REV1: variants seen among roughly 807,000 people sequenced by gnomAD.
REV1 encodes the protein translesion synthesis protein REV1.
In REV1, 42 loss-of-function variants were observed where a neutral mutation model predicts 137.4. That is an observed-to-expected ratio of 0.31 (90% confidence interval 0.24 to 0.40). The LOEUF is 0.40. Among genes scored for constraint, REV1 ranks in the 10% least tolerant of loss-of-function variants. The pLI, the probability that REV1 is intolerant of heterozygous loss-of-function variation, is 1.00. For missense variants in REV1, 1,282 were observed against 1,490.1 expected (o/e 0.86, Z 2.30); for synonymous variants, 524 against 519.2 (o/e 1.01, Z -0.12).
Position 99,402,716 on chromosome 2 carries a change from G to A in REV1, c.3469C>T (p.Pro1157Ser). 6.2e-7 allele frequency: 1 copy of A among 1,613,900 alleles called. No homozygotes were observed. The highest frequency in any genetic ancestry group is 1.1e-5 in the South Asian group (1 of 91,074). ...DPAGCVRPPA[P>S]NLAGAVEFND... The stretch of plus-strand genomic sequence containing the variant: ...AATTCAACAGCTCCAGCTAGATTGG[G>A]TGCTGGAGGTCTCACACAGCCAGCT... The change falls in exon 21 of 23, where the codon CCC (proline) becomes TCC (serine). Residue 1157 changes from proline (P) to serine (S), a missense_variant. Pro to Ser is a moderately conservative substitution (Grantham distance 74). Transcript: ENST00000258428.
intron 1 of REV1, among the ~76,000 whole-genome samples, chr2:99,468,049 G>A (rs186697641): frequency 2.3e-3 from 348 of 152,110 alleles, no homozygotes; most frequent in Non-Finnish European, 3.9e-3. Context: ...GCATGGTGGC[G>A]CATGCCTGTA....
In REV1 at chr2:99,438,620, T is replaced by G. The variant is rs147362508; in HGVS notation, c.1194A>C (p.Ala398=). Residue 398 remains alanine, a synonymous_variant, in exon 6 of 23, where the codon GCA becomes GCC. Transcript: ENST00000258428. ...ATCTACCTGTGTCAGTTACAACAAG[T>G]GCAGACCTGCCTGTTTTCATTTTTT... is the stretch of plus-strand genomic sequence containing the variant. The part of the protein sequence containing the change: ...KLKKMKTGRS[A]LVVTDTGDMS... 1 of 1,613,066 alleles carries G rather than the reference T, an allele frequency of 6.2e-7. No homozygotes were observed. The highest frequency in any genetic ancestry group is 2.2e-5 in the East Asian group (1 of 44,880).
intron 1 of REV1, among the ~76,000 whole-genome samples, chr2:99,469,360 C>G (rs768795656): frequency 2.3e-4 from 35 of 152,222 alleles, no homozygotes; most frequent in Admixed American, 7.2e-4. Flanking sequence ...CCATGTGACT[C>G]TGTAAGACAG....
rs549382215 is a variant in REV1 at position 99,409,313 on chromosome 2, C to CA, written c.2346-1183dup. On this transcript the variant is annotated intron_variant, in intron 14 of 22. Coordinates refer to ENST00000258428, the MANE Select transcript of REV1 (RefSeq NM_016316.4). ...TTTCTCTGTTTAAGAGCAGTCGTCT[C>CA]ACGACTTAGCAATATCATCATATAC... is the stretch of plus-strand genomic sequence containing the variant. 2.8e-3 allele frequency among the ~76,000 whole-genome samples: 428 copies of CA among 152,292 alleles called. 1 individual carries two copies. The highest frequency in any genetic ancestry group is 0.01 in the Middle Eastern group (3 of 294).
intron 4 of REV1, among the ~76,000 whole-genome samples, chr2:99,448,655 CTT>C (rs1454728791): frequency 6.6e-6 from 1 of 152,222 alleles, no homozygotes; most frequent in Non-Finnish European, 1.5e-5. Context: ...ATTACTCATT[CTT>C]TCTCTCCCAA....
At chr2:99,440,347 T>C (rs1173823452) in intron 5 of REV1, among the ~76,000 whole-genome samples, 1 of 152,228 alleles carries the variant, frequency 6.6e-6, no homozygotes, top group African/African-American at 2.4e-5. Context: ...AGGGCTGCCC[T>C]ACAGAGTAGT....
At chr2:99,458,917 G>A (rs1257240640) in intron 3 of REV1, among the ~76,000 whole-genome samples, 1 of 152,134 alleles carries the variant, frequency 6.6e-6, no homozygotes, top group Non-Finnish European at 1.5e-5. Flanking sequence ...AAAGATCTTT[G>A]TAGTGTGGAG....
intron 4 of REV1, among the ~76,000 whole-genome samples, chr2:99,443,695 C>T (rs1681803578): frequency 6.6e-6 from 1 of 152,116 alleles, no homozygotes; most frequent in Admixed American, 6.5e-5. Flanking sequence ...AGACATGTAA[C>T]CAAATGGATT....
intron 3 of REV1, among the ~76,000 whole-genome samples, chr2:99,452,524 C>A (rs1683049218): frequency 6.6e-6 from 1 of 152,066 alleles, no homozygotes; most frequent in African/African-American, 2.4e-5. Flanking sequence ...CCTACAGAAC[C>A]CATCTCTGCA....
At chr2:99,403,870 G>T in intron 18 of REV1, 55 bp from the exon 19 acceptor site, 1 of 1,591,020 alleles carries the variant, frequency 6.3e-7, no homozygotes, top group South Asian at 1.1e-5. Context: ...GATGGTAGCT[G>T]GTTTCTCTTT....
Position 99,406,447 on chromosome 2 carries a change from G to A in REV1, c.2492C>T (p.Pro831Leu), listed in dbSNP as rs139685542. The change falls in exon 16 of 23, where the codon CCT (proline) becomes CTT (leucine). Residue 831 changes from proline (P) to leucine (L), a missense_variant. Pro to Leu is a moderately conservative substitution (Grantham distance 98). This residue lies in a region of REV1 where 372 missense variants were observed against 482.3 expected (regional missense o/e 0.77). Transcript: ENST00000258428. The part of the protein sequence containing the change: ...VNQLVPTNLN[P>L]STCPSRPSVQ... ...TGATGGGCGACTGGGACATGTGGAAGGGTTCAGATTAGTTGGAACCAACTG... is the reference window on the plus strand; with the variant it reads ...TGATGGGCGACTGGGACATGTGGAAAGGTTCAGATTAGTTGGAACCAACTG... 4 of 1,613,434 alleles carry A rather than the reference G, an allele frequency of 2.5e-6. No homozygotes were observed. The African/African-American group carries it at 5.3e-5, about 22-fold the overall frequency.
At chr2:99,467,101 G>A (rs541156870) in intron 1 of REV1, among the ~76,000 whole-genome samples, 2 of 152,276 alleles carry the variant, frequency 1.3e-5, no homozygotes, top group Middle Eastern at 3.4e-3. Flanking sequence ...AAATAAAGGA[G>A]TAAAGTGTAT....
intron 9 of REV1, among the ~76,000 whole-genome samples, chr2:99,428,654 T>A (rs1286387945): frequency 6.6e-6 from 1 of 152,170 alleles, no homozygotes; most frequent in African/African-American, 2.4e-5. Context: ...AAATATTTTT[T>A]CTTCAGATTA....
intron 19 of REV1, 37 bp from the exon 20 acceptor site, chr2:99,403,143 A>G (rs1420862114): frequency 2.1e-6 from 3 of 1,449,172 alleles, no homozygotes; most frequent in Non-Finnish European, 1.8e-6. Flanking sequence ...CAACAAAATG[A>G]TAGTATGGAT....
Position 99,439,317 on chromosome 2 carries a change from C to G in REV1, c.504-7G>C. ...CTTCTTAACGATGTGATTTCTAAAG[C>G]AGGAAAAAATTTTTGAGTTAATAAT... On this transcript the variant is annotated splice_polypyrimidine_tract_variant and splice_region_variant and intron_variant, in intron 5 of 22. Coordinates refer to ENST00000258428, the MANE Select transcript of REV1 (RefSeq NM_016316.4). The G allele has an allele frequency of 2.5e-6, 4 of 1,584,882 alleles. No individual in the cohort carries two copies. Among genetic ancestry groups the G allele is most frequent in the Non-Finnish European group, 3.4e-6 (4 of 1,165,314 alleles).
chr2:99,466,081 A>T (rs995343120), intron 1 of REV1, among the ~76,000 whole-genome samples: 8 of 151,652 alleles, frequency 5.3e-5, no homozygotes, highest in African/African-American at 1.7e-4. Flanking sequence ...AGCTGGGACT[A>T]CAGGTGCCCG....
chr2:99,402,147 G>C (rs1016715980), intron 22 of REV1, 97 bp downstream of exon 22: 1 of 611,964 alleles, frequency 1.6e-6, no homozygotes, highest in Non-Finnish European at 2.9e-6. Context: ...TAACCCTAAT[G>C]AGTACAGTTT....
intron 3 of REV1, among the ~76,000 whole-genome samples, chr2:99,450,107 C>CA: frequency 6.6e-6 from 1 of 151,788 alleles, no homozygotes; most frequent in South Asian, 2.1e-4. Context: ...TCATTAAGGC[C>CA]AAAAAATAAA....
At chr2:99,451,346 C>T (rs921616334) in intron 3 of REV1, 10 of 1,262,834 alleles carry the variant, frequency 7.9e-6, no homozygotes, top group South Asian at 1.3e-5. Flanking sequence ...AGTACTCACC[C>T]GTCTACTAGC....
Sources: gnomAD v4.1 joint callset for allele counts (sites outside exome capture counted in the v4.1 genomes callset) on GRCh38, gnomAD v4.1.1 for gene constraint, gnomAD v4.1.1 regional missense constraint, MANE v1.5 for transcripts, NCBI Gene and HGNC (gene_info 2026-07-23, HGNC 2026-07-21) for gene names.